The following PITPNC1 variants were observed in gnomAD, a reference collection of about 807,000 sequenced individuals.
The protein encoded by PITPNC1 is phosphatidylinositol transfer protein cytoplasmic 1.
Under a neutral mutation model 44.7 loss-of-function variants are expected in PITPNC1, and 18 were observed. The observed-to-expected ratio is 0.40, with a 90% CI of 0.28 to 0.60. The LOEUF (loss-of-function observed/expected upper bound fraction) is 0.60. Among genes scored for constraint, PITPNC1 ranks in the 20% least tolerant of loss-of-function variants. The probability of loss-of-function intolerance (pLI) is 0.39; values close to 1 mark genes in which losing one functional copy is unlikely to be tolerated. For synonymous variants in PITPNC1, 141 were observed against 149.6 expected (o/e 0.94, Z 0.42); for missense variants, 290 against 418.4 (o/e 0.69, Z 2.68).
intron 6 of PITPNC1, among the ~76,000 whole-genome samples, chr17:67,648,224 T>C (rs978546410): frequency 6.6e-6 from 1 of 152,186 alleles, no homozygotes; most frequent in African/African-American, 2.4e-5. Flanking sequence ...ATCGAGATAT[T>C]TGTCAGCCTA....
chr17:67,434,799 A>AG (rs2038910244), intron 1 of PITPNC1, among the ~76,000 whole-genome samples: 1 of 3,398 alleles, frequency 2.9e-4, no homozygotes, highest in Non-Finnish European at 2.3e-3. Flanking sequence ...CTCTGCCTCA[A>AG]AAAAAAAAAA....
chr17:67,684,119 T>TTC (rs1208054037), intron 8 of PITPNC1, among the ~76,000 whole-genome samples: 11 of 147,278 alleles, frequency 7.5e-5, no homozygotes, highest in African/African-American at 2.8e-4. Context: ...ACAAATTTTT[T>TTC]TTTTTTTTTT....
chr17:67,535,306 G>A (rs986920589), intron 2 of PITPNC1, among the ~76,000 whole-genome samples: 1 of 152,206 alleles, frequency 6.6e-6, no homozygotes, highest in Non-Finnish European at 1.5e-5. Context: ...CGTGGAGGGT[G>A]TAAATCAAAT....
chr17:67,677,068 C>T (rs2042616526), intron 8 of PITPNC1, among the ~76,000 whole-genome samples: 1 of 152,090 alleles, frequency 6.6e-6, no homozygotes, highest in Non-Finnish European at 1.5e-5. Flanking sequence ...GTGATTACTT[C>T]CTCTGATCCT....
chr17:67,577,434 A>G (rs2041164678), intron 4 of PITPNC1, among the ~76,000 whole-genome samples: 1 of 151,946 alleles, frequency 6.6e-6, no homozygotes, highest in Non-Finnish European at 1.5e-5. Flanking sequence ...CTAAAAATAC[A>G]AAAATTAGCC....
At chr17:67,386,021 G>T (rs2038044302) in intron 1 of PITPNC1, among the ~76,000 whole-genome samples, 1 of 152,134 alleles carries the variant, frequency 6.6e-6, no homozygotes, top group African/African-American at 2.4e-5. Flanking sequence ...TTTTCTTATT[G>T]TGATATGGAG....
At chr17:67,684,937 T>C (rs898347394) in intron 8 of PITPNC1, among the ~76,000 whole-genome samples, 8 of 152,242 alleles carry the variant, frequency 5.3e-5, no homozygotes, top group Non-Finnish European at 8.8e-5. Context: ...GGGGATTCAA[T>C]AGAACAAAAA....
chr17:67,382,778 T>C (rs1182909857), intron 1 of PITPNC1, among the ~76,000 whole-genome samples: 1 of 150,024 alleles, frequency 6.7e-6, no homozygotes, highest in African/African-American at 2.5e-5. Context: ...GCGCCCACCA[T>C]CACGCCAGGC....
intron 5 of PITPNC1, among the ~76,000 whole-genome samples, chr17:67,631,412 G>T (rs1450765021): frequency 6.9e-6 from 1 of 144,526 alleles, no homozygotes; most frequent in Admixed American, 7.0e-5. Context: ...GGCGGATCAC[G>T]AGGTCAGGAG....
At chr17:67,501,919 G>A (rs1011706664) in intron 1 of PITPNC1, among the ~76,000 whole-genome samples, 2 of 152,064 alleles carry the variant, frequency 1.3e-5, no homozygotes, top group Non-Finnish European at 2.9e-5. Flanking sequence ...CTGCTTTGTC[G>A]GTGCCTCAGT....
chr17:67,605,468 G>A (rs62086170), intron 5 of PITPNC1, among the ~76,000 whole-genome samples: 34,245 of 152,088 alleles, frequency 0.23, 3,981 homozygotes, highest in East Asian at 0.41. Flanking sequence ...TCCTCCCGGG[G>A]CTTATCGTGA....
intron 1 of PITPNC1, among the ~76,000 whole-genome samples, chr17:67,485,312 G>T (rs2039763125): frequency 6.6e-6 from 1 of 151,808 alleles, no homozygotes; most frequent in Admixed American, 6.6e-5. Context: ...TTTTGCACTA[G>T]GGTATCTGCT....
At chr17:67,671,953 G>T (rs1387051829) in intron 7 of PITPNC1, among the ~76,000 whole-genome samples, 1 of 151,308 alleles carries the variant, frequency 6.6e-6, no homozygotes, top group Non-Finnish European at 1.5e-5. Flanking sequence ...TTGTTTTTTT[G>T]AGATGGAGTC....
chr17:67,602,069 T>A (rs374490338), intron 5 of PITPNC1, among the ~76,000 whole-genome samples: 1 of 152,178 alleles, frequency 6.6e-6, no homozygotes, highest in African/African-American at 2.4e-5. Context: ...GTGTGGTGAT[T>A]TGGGAAATGT....
chr17:67,690,733 G>A (rs2042911262), intron 8 of PITPNC1, among the ~76,000 whole-genome samples: 1 of 152,106 alleles, frequency 6.6e-6, no homozygotes, highest in South Asian at 2.1e-4. Flanking sequence ...AATAAGCCCA[G>A]GTTCCTCTTT....
intron 8 of PITPNC1, among the ~76,000 whole-genome samples, chr17:67,675,946 C>T (rs537448305): frequency 6.6e-6 from 1 of 152,330 alleles, no homozygotes; most frequent in Admixed American, 6.5e-5. Flanking sequence ...GTGGCTCACG[C>T]CTGTAATCCC....
At chr17:67,630,103 C>G (rs544012582) in intron 5 of PITPNC1, among the ~76,000 whole-genome samples, 1 of 152,112 alleles carries the variant, frequency 6.6e-6, no homozygotes, top group Non-Finnish European at 1.5e-5. Context: ...TATAAAGAGC[C>G]CTTCAGATGC....
chr17:67,502,260 T>A (rs1307782344), intron 1 of PITPNC1, among the ~76,000 whole-genome samples: 1 of 151,422 alleles, frequency 6.6e-6, no homozygotes, highest in Non-Finnish European at 1.5e-5. Flanking sequence ...AAAATCATAA[T>A]CCGTGTTTTA....
At chr17:67,498,257 C>T (rs1447775376) in intron 1 of PITPNC1, among the ~76,000 whole-genome samples, 41 of 151,908 alleles carry the variant, frequency 2.7e-4, no homozygotes, top group South Asian at 2.1e-4. Context: ...TTTGGGTTAT[C>T]TTTTTAATTA....
Sources: gnomAD v4.1 joint callset for allele counts (sites outside exome capture counted in the v4.1 genomes callset) on GRCh38, gnomAD v4.1.1 for gene constraint, MANE v1.5 for transcripts, NCBI Gene and HGNC (gene_info 2026-07-23, HGNC 2026-07-21) for gene names.